SDK2: variants seen among roughly 807,000 people sequenced by gnomAD.
The protein encoded by SDK2 is sidekick cell adhesion molecule 2, also known as protein sidekick-2.
Under a neutral mutation model 253.9 loss-of-function variants are expected in SDK2, and 105 were observed. The ratio of observed to expected loss-of-function variants is 0.41; its 90% CI spans 0.35 to 0.49. The LOEUF is 0.49. Ranked by LOEUF, SDK2 falls within the 20% of genes least tolerant of loss-of-function variation. SDK2 has a pLI of 0.06. For missense variants in SDK2, 2,608 were observed against 3,003.0 expected, an observed-to-expected ratio of 0.87 and a Z score of 3.07; for synonymous variants, 1,249 against 1,234.9, an observed-to-expected ratio of 1.01 and a Z score of -0.24.
chr17:73,630,942 C>T (rs1462176390), intron 1 of SDK2, among the ~76,000 whole-genome samples: 2 of 152,062 alleles, frequency 1.3e-5, no homozygotes, highest in Admixed American at 1.3e-4. Context: ...CTAGGTTCTT[C>T]GTCCACCAGG....
chr17:73,410,834 CA>C (rs754805727), intron 18 of SDK2, among the ~76,000 whole-genome samples: 1 of 152,234 alleles, frequency 6.6e-6, no homozygotes, highest in Non-Finnish European at 1.5e-5. Context: ...CCTGGGAATT[CA>C]GTGGCCTCTG....
In SDK2 at chr17:73,612,152, C is replaced by G. The variant is rs1336691422; in HGVS notation, c.64+31873G>C. Among the ~76,000 whole-genome samples, 1 of 152,196 alleles carries G rather than the reference C, an allele frequency of 6.6e-6. No homozygotes were observed. The highest frequency in any genetic ancestry group is 6.5e-5 in the Admixed American group (1 of 15,282). ...AAAATAAACAGCAATTCCTTTCACC[C>G]CCGCTGCAGCCTCTTCAAGCGAGGA... On this transcript the variant is annotated intron_variant, in intron 1 of 44. Transcript: ENST00000392650. This position sits in a 1 kb window ranked among gnomAD's most constrained non-coding sequence, Gnocchi z 4.4.
intron 44 of SDK2, among the ~76,000 whole-genome samples, chr17:73,340,428 T>C (rs2062424727): frequency 6.6e-6 from 1 of 152,200 alleles, no homozygotes; most frequent in African/African-American, 2.4e-5. Context: ...ATTAACTTAT[T>C]TGGGACTTTC....
intron 3 of SDK2, among the ~76,000 whole-genome samples, chr17:73,470,040 T>G (rs1340929423): frequency 8.5e-6 from 1 of 117,906 alleles, no homozygotes; most frequent in Non-Finnish European, 1.8e-5. Flanking sequence ...ACACAGAGGT[T>G]CTGGCCCACA....
chr17:73,348,738 G>A lies in SDK2; in HGVS notation c.6039-13C>T. 6.2e-7 allele frequency: 1 copy of A among 1,601,332 alleles called. No individual in the cohort carries two copies. Among genetic ancestry groups the A allele is most frequent in the Non-Finnish European group, 8.5e-7 (1 of 1,177,894 alleles). ...CCTGGGGGGAGACCTGGAGAGAGCG[G>A]GGGAGTGGGGCCGAGAGGTGCACTC... On this transcript the variant is annotated splice_polypyrimidine_tract_variant and intron_variant, in intron 43 of 44. Coordinates refer to ENST00000392650, the MANE Select transcript of SDK2 (RefSeq NM_001144952.2).
At chr17:73,611,064 C>G (rs1419436332) in intron 1 of SDK2, among the ~76,000 whole-genome samples, 1 of 152,180 alleles carries the variant, frequency 6.6e-6, no homozygotes, top group African/African-American at 2.4e-5. Context: ...GCTAGAAATC[C>G]AAGTCATCGT....
chr17:73,539,961 G>A (rs1039984058), intron 1 of SDK2, among the ~76,000 whole-genome samples: 10 of 149,380 alleles, frequency 6.7e-5, no homozygotes, highest in East Asian at 2.0e-4. Flanking sequence ...CACCAGAGAC[G>A]GGGTCATGCA....
At chr17:73,586,184 C>A (rs570471711) in intron 1 of SDK2, among the ~76,000 whole-genome samples, 15 of 152,212 alleles carry the variant, frequency 9.9e-5, no homozygotes, top group African/African-American at 3.6e-4. Context: ...GGTGTTAGCT[C>A]TCCTCCTCTT....
intron 2 of SDK2, among the ~76,000 whole-genome samples, chr17:73,485,408 G>A (rs1006614126): frequency 6.6e-6 from 1 of 152,192 alleles, no homozygotes; most frequent in Non-Finnish European, 1.5e-5. Context: ...ATCGACTGTG[G>A]TGCTGGCCAG....
At chr17:73,580,554 C>T (rs1435486349) in intron 1 of SDK2, among the ~76,000 whole-genome samples, 1 of 152,270 alleles carries the variant, frequency 6.6e-6, no homozygotes, top group African/African-American at 2.4e-5. Context: ...CACAGGGCCC[C>T]AAGCTCAGAG....
At chr17:73,451,408 G>C (rs1253679189) in intron 4 of SDK2, among the ~76,000 whole-genome samples, 1 of 152,250 alleles carries the variant, frequency 6.6e-6, no homozygotes, top group Non-Finnish European at 1.5e-5. Context: ...GGAGGCTGAG[G>C]CAGGAGAATT....
intron 1 of SDK2, among the ~76,000 whole-genome samples, chr17:73,597,077 C>A (rs1286952103): frequency 6.6e-6 from 1 of 152,244 alleles, no homozygotes; most frequent in African/African-American, 2.4e-5. Context: ...TCTGAATCAT[C>A]CCTGTGGGAG....
chr17:73,423,775 G>A lies in SDK2; in HGVS notation c.1760+141C>T, dbSNP rs1683293227. The A allele has an allele frequency of 5.1e-6, 4 of 787,028 alleles. No individual in the cohort carries two copies. The Admixed American group carries it at 1.2e-4, about 23-fold the overall frequency. The allele number at this position is 787,028 out of a possible 1,614,324, so 48.8% of individuals were successfully genotyped here. A position where few individuals can be genotyped will look rare whatever the true frequency, so the allele number is the denominator to read the frequency against. On this transcript the variant is annotated intron_variant, in intron 13 of 44. Transcript: ENST00000392650. Reference sequence around the variant, plus strand: ...TGAGAGAAAGGCCTGGAAGGATGCTGGGGGTATGTCCTGAGCAAAGCTGAA... The same window carrying A: ...TGAGAGAAAGGCCTGGAAGGATGCTAGGGGTATGTCCTGAGCAAAGCTGAA...
intron 42 of SDK2, 106 bp downstream of exon 42, chr17:73,350,544 T>C: frequency 7.0e-7 from 1 of 1,420,618 alleles, no homozygotes; most frequent in Non-Finnish European, 9.5e-7. Context: ...CCAGAGCAGG[T>C]GCGCTGCCAG....
At chr17:73,401,630 G>T in intron 20 of SDK2, 24 bp downstream of exon 20, 2 of 1,560,518 alleles carry the variant, frequency 1.3e-6, no homozygotes, top group Non-Finnish European at 1.7e-6. Flanking sequence ...CTGCCCTCTG[G>T]TTCAGAAACA....
At chr17:73,451,562 G>T (rs1190931428) in intron 4 of SDK2, among the ~76,000 whole-genome samples, 1 of 152,150 alleles carries the variant, frequency 6.6e-6, no homozygotes, top group Non-Finnish European at 1.5e-5. Flanking sequence ...CAACTTCTAT[G>T]GTGTGAAGTC....
intron 12 of SDK2, among the ~76,000 whole-genome samples, chr17:73,424,881 G>A (rs2063267022): frequency 6.6e-6 from 1 of 152,230 alleles, no homozygotes; most frequent in Non-Finnish European, 1.5e-5. Context: ...CATAATGTCA[G>A]ATAACTAGGG....
At chr17:73,477,703 G>T (rs1204695714) in intron 2 of SDK2, among the ~76,000 whole-genome samples, 1 of 152,158 alleles carries the variant, frequency 6.6e-6, no homozygotes, top group Non-Finnish European at 1.5e-5. Context: ...GGATCCTCTA[G>T]GGGCTTCAGC....
In SDK2 at chr17:73,338,335, T is replaced by G; in HGVS notation, c.*252A>C. Reference sequence around the variant, plus strand: ...TGACACAGCCACTTCCCCAGCTCCGTGTAATTCCCAAGGGAGCAGTGAACC... The same window carrying G: ...TGACACAGCCACTTCCCCAGCTCCGGGTAATTCCCAAGGGAGCAGTGAACC... On this transcript the variant is annotated 3_prime_UTR_variant, in exon 45 of 45. Coordinates refer to ENST00000392650, the MANE Select transcript of SDK2 (RefSeq NM_001144952.2). This position sits in a 1 kb window ranked among gnomAD's most constrained non-coding sequence, Gnocchi z 5.0. The G allele has an allele frequency of 5.8e-5, 36 of 621,230 alleles. No individual in the cohort carries two copies. The highest frequency in any genetic ancestry group is 1.0e-4 in the East Asian group (3 of 29,256). The allele number at this position is 621,230 out of a possible 1,614,324, so 38.5% of individuals were successfully genotyped here. A position where few individuals can be genotyped will look rare whatever the true frequency, so the allele number is the denominator to read the frequency against.
Sources: gnomAD v4.1 joint callset for allele counts (sites outside exome capture counted in the v4.1 genomes callset) on GRCh38, gnomAD v4.1.1 for gene constraint, Gnocchi (gnomAD v3.1) non-coding constraint, MANE v1.5 for transcripts, NCBI Gene and HGNC (gene_info 2026-07-23, HGNC 2026-07-21) for gene names.